CRB1: variants seen among roughly 807,000 people sequenced by gnomAD.
CRB1 encodes crumbs cell polarity complex component 1.
In CRB1, 83 loss-of-function variants were observed where a neutral mutation model predicts 120.0. That is an observed-to-expected ratio of 0.69 (90% confidence interval 0.58 to 0.83). The LOEUF (loss-of-function observed/expected upper bound fraction) is 0.83. Ranked by LOEUF, CRB1 falls within the 40% of genes least tolerant of loss-of-function variation. The probability of loss-of-function intolerance (pLI) is 0.00; values close to 1 mark genes in which losing one functional copy is unlikely to be tolerated. For missense variants in CRB1, 1,699 were observed against 1,687.6 expected (o/e 1.01, Z -0.12); for synonymous variants, 625 against 612.5 (o/e 1.02, Z -0.30).
intron 5 of CRB1, among the ~76,000 whole-genome samples, chr1:197,401,161 T>A (rs1663046537): frequency 6.6e-6 from 1 of 152,178 alleles, no homozygotes; most frequent in Non-Finnish European, 1.5e-5. Context: ...AGTGCCTTGC[T>A]CCTACCTTCT....
Position 197,442,151 on chromosome 1 carries a change from C to G in CRB1, c.3879-15C>G. On this transcript the variant is annotated splice_polypyrimidine_tract_variant and intron_variant, in intron 10 of 11. Transcript: ENST00000367400. Reference sequence around the variant, plus strand: ...AACAGGGACCTGGGTTTCTGCTGTTCTGTTTATTTTGAAGGTGTGAAAAGG... The same window carrying G: ...AACAGGGACCTGGGTTTCTGCTGTTGTGTTTATTTTGAAGGTGTGAAAAGG... 1 of 1,614,030 alleles carries G rather than the reference C, an allele frequency of 6.2e-7. No homozygotes were observed. The highest frequency in any genetic ancestry group is 8.5e-7 in the Non-Finnish European group (1 of 1,180,004).
At chr1:197,282,190 TTTGTTAG>T (rs1655559884) in intron 1 of CRB1, among the ~76,000 whole-genome samples, 1 of 151,758 alleles carries the variant, frequency 6.6e-6, no homozygotes, top group African/African-American at 2.4e-5. Context: ...TTAAAATGTA[TTTGTTAG>T]TTGTTTTTTA....
At chr1:197,267,024 C>T (rs961894393), upstream of CRB1, among the ~76,000 whole-genome samples, 12 of 152,110 alleles carry the variant, frequency 7.9e-5, no homozygotes, top group African/African-American at 2.9e-4. Flanking sequence ...AGAGACTTCA[C>T]AAGATTTAGT....
chr1:197,202,256 A>G, the CRB1 span, among the ~76,000 whole-genome samples: 1 of 152,186 alleles, frequency 6.6e-6, no homozygotes, highest in Non-Finnish European at 1.5e-5. Flanking sequence ...GAGGCTATGA[A>G]GAAACTTGCC....
the CRB1 span, among the ~76,000 whole-genome samples, chr1:197,248,830 A>G: frequency 6.6e-6 from 1 of 151,952 alleles, no homozygotes; most frequent in African/African-American, 2.4e-5. Context: ...GCTTTTATTA[A>G]AACAAAATGT....
At chr1:197,269,686 G>A (rs1442633438) in intron 1 of CRB1, among the ~76,000 whole-genome samples, 2 of 152,132 alleles carry the variant, frequency 1.3e-5, no homozygotes, top group Non-Finnish European at 2.9e-5. Context: ...TAAAATGAAT[G>A]TGAAGTGAGT....
intron 2 of CRB1, among the ~76,000 whole-genome samples, chr1:197,337,513 A>G (rs1659223691): frequency 6.6e-6 from 1 of 152,188 alleles, no homozygotes; most frequent in Non-Finnish European, 1.5e-5. Context: ...TTTTAGGGTC[A>G]TGATGAGAAT....
chr1:197,370,736 C>T (rs1004961079), intron 5 of CRB1, among the ~76,000 whole-genome samples: 1 of 152,160 alleles, frequency 6.6e-6, no homozygotes, highest in Non-Finnish European at 1.5e-5. Context: ...AAGTACATGT[C>T]TTTGAACTGC....
chr1:197,290,266 G>A lies in CRB1; in HGVS notation c.70+21784G>A, dbSNP rs567130819. ...AAATCAGTTTTTTATGTTCCCTTTC[G>A]TGTGTGTGTGTGTGTGTGTGTGTGT... On this transcript the variant is annotated intron_variant, in intron 1 of 11. Coordinates refer to ENST00000367400, the MANE Select transcript of CRB1 (RefSeq NM_201253.3). Among the ~76,000 whole-genome samples the A allele has an allele frequency of 8.3e-3, 57 of 6,886 alleles. 1 individual carries two copies. Among genetic ancestry groups the A allele is most frequent in the Admixed American group, 0.058 (31 of 536 alleles). 4.5% of individuals were successfully genotyped at this position (6,886 alleles called of 152,430 possible).
In CRB1 at chr1:197,390,504, C is replaced by T. The variant is rs142644251; in HGVS notation, c.1172-30496C>T. On this transcript the variant is annotated intron_variant, in intron 5 of 11. Transcript: ENST00000367400. ...AGAAAGATGACAAGGTCAGAAGGCA[C>T]ATTTGATTGTTTTTCATATCATAGG... Among the ~76,000 whole-genome samples the T allele has an allele frequency of 4.6e-3, 700 of 152,116 alleles. 9 individuals carry two copies. Among genetic ancestry groups the T allele is most frequent in the African/African-American group, 0.016 (655 of 41,512 alleles).
At chr1:197,329,849 C>T (rs1241081990) in intron 2 of CRB1, among the ~76,000 whole-genome samples, 3 of 152,182 alleles carry the variant, frequency 2.0e-5, no homozygotes, top group South Asian at 2.1e-4. Flanking sequence ...CAGTTCCTGA[C>T]TCATATCTCT....
At chr1:197,310,220 T>G (rs1657433002) in intron 1 of CRB1, among the ~76,000 whole-genome samples, 1 of 152,072 alleles carries the variant, frequency 6.6e-6, no homozygotes, top group Non-Finnish European at 1.5e-5. Context: ...GATCCTGCCC[T>G]TGAGACTCTC....
At chr1:197,206,697 A>G in the CRB1 span, among the ~76,000 whole-genome samples, 1 of 152,114 alleles carries the variant, frequency 6.6e-6, no homozygotes, top group South Asian at 2.1e-4. Context: ...CCATGTGCTG[A>G]TGATATATTC....
intron 11 of CRB1, among the ~76,000 whole-genome samples, chr1:197,449,406 G>A (rs1163514325): frequency 2.6e-5 from 4 of 151,684 alleles, no homozygotes; most frequent in Admixed American, 2.0e-4. Context: ...TCGCACTGTC[G>A]CCCAGGCTGG....
rs543423223 is a variant in CRB1 at position 197,293,898 on chromosome 1, A to G, written c.70+25416A>G. On this transcript the variant is annotated intron_variant, in intron 1 of 11. Coordinates refer to ENST00000367400, the MANE Select transcript of CRB1 (RefSeq NM_201253.3). ...AAACTGGATCCCTTCCTTACACCTT[A>G]TACAAAAATTAATTCAAGATGGATT... Among the ~76,000 whole-genome samples, 9 of 152,316 alleles carry G rather than the reference A, an allele frequency of 5.9e-5. No individual in the cohort carries two copies. In the South Asian group the frequency reaches 1.7e-3, roughly 28 times the overall value.
chr1:197,408,084 A>G (rs1467148901), intron 5 of CRB1, among the ~76,000 whole-genome samples: 1 of 152,168 alleles, frequency 6.6e-6, no homozygotes, highest in Non-Finnish European at 1.5e-5. Context: ...TCACACTTAT[A>G]AGAGTTACCA....
chr1:197,361,527 G>A (rs576598086), intron 5 of CRB1, among the ~76,000 whole-genome samples: 16 of 152,018 alleles, frequency 1.1e-4, no homozygotes, highest in African/African-American at 3.6e-4. Context: ...GTTGGATGGA[G>A]TATTTCTATA....
chr1:197,372,755 A>C (rs1661437997), intron 5 of CRB1, among the ~76,000 whole-genome samples: 1 of 151,466 alleles, frequency 6.6e-6, no homozygotes, highest in Non-Finnish European at 1.5e-5. Context: ...AAGTTGTGGG[A>C]CCTATCTCTT....
intron 11 of CRB1, among the ~76,000 whole-genome samples, chr1:197,462,452 C>T (rs1045008507): frequency 2.0e-5 from 3 of 152,056 alleles, no homozygotes; most frequent in African/African-American, 4.8e-5. Flanking sequence ...CTCCGAAGTT[C>T]CCCTATGCTT....
Sources: allele counts gnomAD v4.1 joint callset (sites outside exome capture counted in the v4.1 genomes callset), GRCh38; gene constraint gnomAD v4.1.1; transcripts MANE v1.5; gene names NCBI Gene and HGNC (gene_info 2026-07-23, HGNC 2026-07-21).